SMYD3: variants seen among roughly 807,000 people sequenced by gnomAD.
SMYD3 encodes the protein SET and MYND domain containing 3, also known as histone-lysine N-methyltransferase SMYD3.
Under a neutral mutation model 57.7 loss-of-function variants are expected in SMYD3, and 36 were observed. The ratio of observed to expected loss-of-function variants is 0.62; its 90% CI spans 0.48 to 0.82. The LOEUF is 0.82. Ranked by LOEUF, SMYD3 falls within the 40% of genes least tolerant of loss-of-function variation. The pLI is 0.00. For synonymous variants in SMYD3, 211 were observed against 195.0 expected (o/e 1.08, Z -0.68); for missense variants, 515 against 538.8 (o/e 0.96, Z 0.44).
chr1:246,241,985 T>G (rs2063620581), intron 5 of SMYD3, among the ~76,000 whole-genome samples: 1 of 152,140 alleles, frequency 6.6e-6, no homozygotes, highest in African/African-American at 2.4e-5. Context: ...TTCTCTCTAT[T>G]CTTCATTAGT....
rs1278386828 is a variant in SMYD3 at position 246,507,056 on chromosome 1, G to T, written c.162C>A (p.Leu54=). Reference sequence around the variant, plus strand: ...AGGCGAGGGCGCTCCTTACGCACCCGAGAAGGCAGCGGTCGCAGACGACGC... The same window carrying T: ...AGGCGAGGGCGCTCCTTACGCACCCTAGAAGGCAGCGGTCGCAGACGACGC... ...SRGVVCDRCL[L]GKEKLMRCSQ... is the part of the protein sequence containing the mutation. Residue 54 remains leucine (L), a splice_region_variant and synonymous_variant, in exon 1 of 12, where the codon CTC becomes CTA. Coordinates refer to ENST00000490107, the MANE Select transcript of SMYD3 (RefSeq NM_001167740.2). 4 of 1,409,406 alleles carry T rather than the reference G, an allele frequency of 2.8e-6. No homozygotes were observed. The highest frequency in any genetic ancestry group is 1.9e-6 in the Non-Finnish European group (2 of 1,070,806). The allele number at this position is 1,409,406 out of a possible 1,614,324, so 87.3% of individuals were successfully genotyped here.
chr1:246,476,981 G>C (rs1208625157), intron 1 of SMYD3, among the ~76,000 whole-genome samples: 2 of 152,182 alleles, frequency 1.3e-5, no homozygotes, highest in South Asian at 2.1e-4. Context: ...GGAGGGATTA[G>C]AGAAAGAAAT....
At chr1:246,266,771 G>A (rs895178387) in intron 5 of SMYD3, among the ~76,000 whole-genome samples, 34 of 150,938 alleles carry the variant, frequency 2.3e-4, no homozygotes, top group African/African-American at 6.1e-4. Context: ...CACTCCAGCC[G>A]AAAGAAAGAC....
intron 11 of SMYD3, among the ~76,000 whole-genome samples, chr1:245,761,122 G>T (rs1268330619): frequency 1.3e-5 from 2 of 152,148 alleles, no homozygotes; most frequent in Non-Finnish European, 2.9e-5. Flanking sequence ...GAGACTCAAT[G>T]ACTTTTGTAG....
intron 5 of SMYD3, among the ~76,000 whole-genome samples, chr1:246,065,441 C>T (rs545804629): frequency 1.5e-4 from 23 of 152,270 alleles, no homozygotes; most frequent in African/African-American, 4.8e-4. Flanking sequence ...AGAAACACCA[C>T]GGCAAATCCA....
At chr1:246,089,154 T>C (rs2060778003) in intron 5 of SMYD3, among the ~76,000 whole-genome samples, 1 of 151,996 alleles carries the variant, frequency 6.6e-6, no homozygotes, top group Non-Finnish European at 1.5e-5. Flanking sequence ...ATTTTTGTAC[T>C]TTTTTGTAGA....
chr1:245,965,697 G>A (rs77862772), intron 5 of SMYD3, among the ~76,000 whole-genome samples: 1 of 152,168 alleles, frequency 6.6e-6, no homozygotes, highest in Non-Finnish European at 1.5e-5. Flanking sequence ...TATGAAGATA[G>A]TAAAAAGATC....
intron 5 of SMYD3, among the ~76,000 whole-genome samples, chr1:246,170,742 A>T (rs1333035403): frequency 6.6e-6 from 1 of 152,200 alleles, no homozygotes; most frequent in East Asian, 1.9e-4. Context: ...AATTACCTGG[A>T]AAACTGCTTT....
chr1:246,053,596 T>C (rs1421395377), intron 5 of SMYD3, among the ~76,000 whole-genome samples: 2 of 152,094 alleles, frequency 1.3e-5, no homozygotes, highest in African/African-American at 4.8e-5. Flanking sequence ...CAGGAACAAC[T>C]GTATATTTGT....
chr1:246,363,727 G>A (rs1425792872), intron 1 of SMYD3, among the ~76,000 whole-genome samples: 1 of 152,032 alleles, frequency 6.6e-6, no homozygotes, highest in Non-Finnish European at 1.5e-5. Flanking sequence ...AAGGCAGCAT[G>A]CTCGTTAAGA....
chr1:246,307,714 C>T (rs1374992730), intron 5 of SMYD3, among the ~76,000 whole-genome samples: 6 of 152,230 alleles, frequency 3.9e-5, no homozygotes, highest in South Asian at 2.1e-4. Flanking sequence ...CCACCGCGCC[C>T]GGCCAAATTA....
At chr1:246,000,887 T>C (rs2059028739) in intron 5 of SMYD3, among the ~76,000 whole-genome samples, 1 of 152,228 alleles carries the variant, frequency 6.6e-6, no homozygotes, top group South Asian at 2.1e-4. Flanking sequence ...ATGGAGTGTT[T>C]GGAAACAGAA....
chr1:246,061,831 C>T (rs1359199504), intron 5 of SMYD3, among the ~76,000 whole-genome samples: 1 of 152,114 alleles, frequency 6.6e-6, no homozygotes. Flanking sequence ...ATGAGAGCTG[C>T]CTTGATAGAC....
At chr1:245,813,860 C>CTATATATATATATATATATATATA (rs6143718) in intron 10 of SMYD3, among the ~76,000 whole-genome samples, 1 of 146,962 alleles carries the variant, frequency 6.8e-6, no homozygotes, top group African/African-American at 2.6e-5. Flanking sequence ...TCATGGAGCC[C>CTATATATATATATATATATATATA]TATATATATA....
At chr1:245,966,728 C>G (rs1477581913) in intron 5 of SMYD3, among the ~76,000 whole-genome samples, 1 of 152,114 alleles carries the variant, frequency 6.6e-6, no homozygotes, top group African/African-American at 2.4e-5. Flanking sequence ...CTTTCTACCC[C>G]CAACCTCTGC....
In SMYD3 at chr1:246,362,447, C is replaced by CTCTCCCTCTCCACGG. The variant is rs1435752780; in HGVS notation, c.165-7354_165-7353insCCGTGGAGAGGGAGA. 0.01 allele frequency among the ~76,000 whole-genome samples: 25 copies of CTCTCCCTCTCCACGG among 2,388 alleles called. No homozygotes were observed. The East Asian group carries it at 0.3, about 28-fold the overall frequency. 1.6% of individuals were successfully genotyped at this position (2,388 alleles called of 152,430 possible). A position where few individuals can be genotyped will look rare whatever the true frequency, so the allele number is the denominator to read the frequency against. ...TCCCTCTCCCTTTCCCACGGTCTCC[C>CTCTCCCTCTCCACGG]TCTCCCTCTCCCTCTCCACGGTCTC... On this transcript the variant is annotated intron_variant, in intron 1 of 11. Coordinates refer to ENST00000490107, the MANE Select transcript of SMYD3 (RefSeq NM_001167740.2).
intron 5 of SMYD3, among the ~76,000 whole-genome samples, chr1:246,208,199 G>C (rs1381672462): frequency 6.6e-6 from 1 of 152,112 alleles, no homozygotes; most frequent in African/African-American, 2.4e-5. Flanking sequence ...TTCTGCAACA[G>C]AGGTCCTGCA....
rs370071471 is a variant in SMYD3, at chr1:245,968,090, C to A, written c.532-38153G>T. On this transcript the variant is annotated intron_variant, in intron 5 of 11. Transcript: ENST00000490107. ...ACATGAAAATCCAGATTTCTCTACT[C>A]GCTGACAGTTTATATAGATAATGCT... Among the ~76,000 whole-genome samples the A allele has an allele frequency of 2.0e-5, 3 of 152,140 alleles. No individual in the cohort carries two copies. In the East Asian group the frequency reaches 5.8e-4, roughly 29 times the overall value.
chr1:246,389,814 T>G (rs980901180), intron 1 of SMYD3, among the ~76,000 whole-genome samples: 6 of 142,588 alleles, frequency 4.2e-5, no homozygotes, highest in African/African-American at 7.8e-5. Flanking sequence ...AGTCAGTTTC[T>G]GGGGACCTCC....
Sources: allele counts gnomAD v4.1 joint callset (sites outside exome capture counted in the v4.1 genomes callset), GRCh38; gene constraint gnomAD v4.1.1; transcripts MANE v1.5; gene names NCBI Gene and HGNC (gene_info 2026-07-23, HGNC 2026-07-21).